The following SEPTIN9 variants were observed in gnomAD, a reference collection of about 807,000 sequenced individuals.
The protein encoded by SEPTIN9 is septin 9.
In SEPTIN9, 13 loss-of-function variants were observed where a neutral mutation model predicts 56.6. That is an observed-to-expected ratio of 0.23 (90% CI 0.15 to 0.37). SEPTIN9 has a LOEUF of 0.37. SEPTIN9 is among the 10% of genes least tolerant of loss of function. The pLI, the probability that SEPTIN9 is intolerant of heterozygous loss-of-function variation, is 1.00. For synonymous variants in SEPTIN9, 332 were observed against 334.1 expected (o/e 0.99, Z 0.07); for missense variants, 650 against 823.1 (o/e 0.79, Z 2.57).
chr17:77,337,615 C>T (rs1487461457), intron 2 of SEPTIN9, among the ~76,000 whole-genome samples: 2 of 151,736 alleles, frequency 1.3e-5, no homozygotes, highest in Admixed American at 6.6e-5. Context: ...CCAAGAAAAC[C>T]GTCTGGACCT....
At chr17:77,304,410 C>T (rs530624787) in intron 1 of SEPTIN9, among the ~76,000 whole-genome samples, 9 of 152,304 alleles carry the variant, frequency 5.9e-5, no homozygotes, top group African/African-American at 2.2e-4. Context: ...TTTTCCCCAC[C>T]GTTTCTCCAC....
At position 77,498,683 on chromosome 17, in the gene SEPTIN9, T is replaced by A; in HGVS notation, c.*25T>A. The A allele has an allele frequency of 7.1e-7, 1 of 1,400,884 alleles. No individual in the cohort carries two copies. Among genetic ancestry groups the A allele is most frequent in the Non-Finnish European group, 9.4e-7 (1 of 1,062,148 alleles). The allele number at this position is 1,400,884 out of a possible 1,614,324, so 86.8% of individuals were successfully genotyped here. The stretch of plus-strand genomic sequence containing the variant: ...GACGCCACCCTGCCCACCCCCGGGA[T>A]CCTGCCCCCAAGTCATTTCCGTCCC... On this transcript the variant is annotated 3_prime_UTR_variant, in exon 12 of 12. Coordinates refer to ENST00000427177, the MANE Select transcript of SEPTIN9 (RefSeq NM_001113491.2).
chr17:77,416,400 T>G (rs35657663), intron 3 of SEPTIN9, among the ~76,000 whole-genome samples: 1 of 151,988 alleles, frequency 6.6e-6, no homozygotes, highest in Non-Finnish European at 1.5e-5. Flanking sequence ...TGCTTGGCGT[T>G]GGTGCTGAGC....
chr17:77,365,033 G>C (rs1352015481), intron 2 of SEPTIN9, among the ~76,000 whole-genome samples: 1 of 152,226 alleles, frequency 6.6e-6, no homozygotes, highest in Admixed American at 6.5e-5. Flanking sequence ...AGATGCAGAA[G>C]AGACGATGTC....
intron 2 of SEPTIN9, among the ~76,000 whole-genome samples, chr17:77,339,702 G>A (rs2033665003): frequency 6.6e-6 from 1 of 151,650 alleles, no homozygotes. Flanking sequence ...TAGAAACAGG[G>A]TTTCACCATG....
chr17:77,492,014 C>A lies in SEPTIN9; in HGVS notation c.1381-607C>A, dbSNP rs1005866402. ...AGGTGCCTGGGCTGCGGCACCACAT[C>A]TGCCTCGGTGGGTGTGGGTGGGGCC... is the stretch of plus-strand genomic sequence containing the variant. On this transcript the variant is annotated intron_variant, in intron 8 of 11. Coordinates refer to ENST00000427177, the MANE Select transcript of SEPTIN9 (RefSeq NM_001113491.2). This position sits in a 1 kb window ranked among gnomAD's most constrained non-coding sequence, Gnocchi z 5.4. Among the ~76,000 whole-genome samples, 1 of 152,104 alleles carries A rather than the reference C, an allele frequency of 6.6e-6. No individual in the cohort carries two copies. The highest frequency in any genetic ancestry group is 1.5e-5 in the Non-Finnish European group (1 of 68,022).
intron 3 of SEPTIN9, among the ~76,000 whole-genome samples, chr17:77,470,213 C>G (rs570022445): frequency 6.8e-6 from 1 of 146,550 alleles, no homozygotes; most frequent in Admixed American, 6.8e-5. Flanking sequence ...CATCCGTCCA[C>G]TCACCCATCT....
intron 1 of SEPTIN9, among the ~76,000 whole-genome samples, chr17:77,304,895 C>T (rs1299171377): frequency 6.6e-6 from 1 of 152,096 alleles, no homozygotes; most frequent in African/African-American, 2.4e-5. Flanking sequence ...GAAGTGAGCT[C>T]AGCTGGGGCT....
intron 1 of SEPTIN9, among the ~76,000 whole-genome samples, chr17:77,295,601 G>A (rs116242766): frequency 1.5e-3 from 222 of 152,258 alleles, no homozygotes; most frequent in African/African-American, 5.3e-3. Flanking sequence ...AGAGGTCGGC[G>A]TTTCTCCCAC....
At chr17:77,390,545 G>A (rs1430380097) in intron 2 of SEPTIN9, among the ~76,000 whole-genome samples, 4 of 140,668 alleles carry the variant, frequency 2.8e-5, no homozygotes, top group African/African-American at 1.1e-4. Flanking sequence ...TCCGCCTCCC[G>A]GGTTCACGCC....
chr17:77,473,628 G>T (rs1221236033), intron 3 of SEPTIN9, among the ~76,000 whole-genome samples: 1 of 152,170 alleles, frequency 6.6e-6, no homozygotes, highest in Non-Finnish European at 1.5e-5. Context: ...TTTCACCAGA[G>T]GTTTGTGGCA....
At chr17:77,423,573 C>T (rs1267734589) in intron 3 of SEPTIN9, among the ~76,000 whole-genome samples, 1 of 152,214 alleles carries the variant, frequency 6.6e-6, no homozygotes, top group Non-Finnish European at 1.5e-5. Context: ...CTGGCCCTGG[C>T]CATTGTCCAG....
At chr17:77,432,325 G>A (rs762572029) in intron 3 of SEPTIN9, among the ~76,000 whole-genome samples, 4 of 151,986 alleles carry the variant, frequency 2.6e-5, no homozygotes, top group Non-Finnish European at 4.4e-5. Context: ...CAGTGCTGCC[G>A]TTGGCATCGT....
intron 3 of SEPTIN9, among the ~76,000 whole-genome samples, chr17:77,477,471 C>T (rs2039264343): frequency 6.6e-6 from 1 of 152,210 alleles, no homozygotes; most frequent in Non-Finnish European, 1.5e-5. Context: ...CACGCTCGTG[C>T]CTTTTTATGG....
intron 2 of SEPTIN9, among the ~76,000 whole-genome samples, chr17:77,342,236 A>T (rs886708538): frequency 6.6e-6 from 1 of 152,360 alleles, no homozygotes; most frequent in African/African-American, 2.4e-5. Context: ...CAGCAGACTT[A>T]CTTGATGCAG....
chr17:77,318,678 C>T lies in SEPTIN9; in HGVS notation c.76+11481C>T, dbSNP rs2032792472. On this transcript the variant is annotated intron_variant, in intron 2 of 11. Coordinates refer to ENST00000427177, the MANE Select transcript of SEPTIN9 (RefSeq NM_001113491.2). This position sits in a 1 kb window ranked among gnomAD's most constrained non-coding sequence, Gnocchi z 4.9. ...CCAGAAGGCTGGGAATGGTCCTCCC[C>T]ACCCCCCAGGAAGATGTCCTTTCTG... Among the ~76,000 whole-genome samples the T allele has an allele frequency of 6.6e-6, 1 of 152,126 alleles. No homozygotes were observed. Among genetic ancestry groups the T allele is most frequent in the South Asian group, 2.1e-4 (1 of 4,822 alleles).
rs1320325713 is a variant in SEPTIN9 at position 77,405,752 on chromosome 17, G to A, written c.721+3049G>A. ...CGAGGCACCACCTGCTTGCTTCTCC[G>A]TCCTCCCTCTCTGTGTCACGACCGT... On this transcript the variant is annotated intron_variant, in intron 3 of 11. Coordinates refer to ENST00000427177, the MANE Select transcript of SEPTIN9 (RefSeq NM_001113491.2). The surrounding 1 kb of genome is among the most constrained non-coding windows in gnomAD (Gnocchi z 5.8). 2.0e-5 allele frequency among the ~76,000 whole-genome samples: 3 copies of A among 152,190 alleles called. No homozygotes were observed. The highest frequency in any genetic ancestry group is 6.5e-5 in the Admixed American group (1 of 15,296).
At chr17:77,342,520 C>G (rs2033766758) in intron 2 of SEPTIN9, among the ~76,000 whole-genome samples, 1 of 152,164 alleles carries the variant, frequency 6.6e-6, no homozygotes, top group Non-Finnish European at 1.5e-5. Context: ...TACTTCCTTC[C>G]TTGTACTTGC....
chr17:77,430,507 T>C (rs890413092), intron 3 of SEPTIN9, among the ~76,000 whole-genome samples: 7 of 152,056 alleles, frequency 4.6e-5, no homozygotes, highest in African/African-American at 1.7e-4. Context: ...GGAAGTGACC[T>C]CATAGCAAGG....
Sources: allele counts gnomAD v4.1 joint callset (sites outside exome capture counted in the v4.1 genomes callset), GRCh38; gene constraint gnomAD v4.1.1; non-coding constraint Gnocchi (gnomAD v3.1); transcripts MANE v1.5; gene names NCBI Gene and HGNC (gene_info 2026-07-23, HGNC 2026-07-21).